The following ZNF474 variants were observed in gnomAD, a reference collection of about 807,000 sequenced individuals.
ZNF474 encodes the protein zinc finger protein 474.
For synonymous variants in ZNF474, 192 were observed against 162.2 expected (o/e 1.18, Z -1.39); for missense variants, 511 against 433.8 (o/e 1.18, Z -1.58).
At chr5:122,140,118 G>A (rs1379575614) in intron 1 of ZNF474, among the ~76,000 whole-genome samples, 2 of 152,262 alleles carry the variant, frequency 1.3e-5, no homozygotes, top group South Asian at 2.1e-4. Flanking sequence ...GAAACCCTAG[G>A]TATTACTGTA....
chr5:122,145,864 T>C (rs2152605898), intron 1 of ZNF474, among the ~76,000 whole-genome samples: 1 of 152,310 alleles, frequency 6.6e-6, no homozygotes, highest in East Asian at 1.9e-4. Flanking sequence ...GGTTGTTACA[T>C]CCGTTTGAAT....
intron 1 of ZNF474, among the ~76,000 whole-genome samples, chr5:122,130,713 A>G (rs1755555610): frequency 6.6e-6 from 1 of 152,100 alleles, no homozygotes; most frequent in African/African-American, 2.4e-5. Flanking sequence ...TTGAGGTATG[A>G]CTGACAAATA....
At chr5:122,148,388 C>T (rs1055009455) in intron 1 of ZNF474, among the ~76,000 whole-genome samples, 4 of 152,130 alleles carry the variant, frequency 2.6e-5, no homozygotes, top group Non-Finnish European at 4.4e-5. Flanking sequence ...TTCAAATGGA[C>T]GTTTTGTGAT....
At chr5:122,149,807 A>C (rs977244570) in intron 1 of ZNF474, among the ~76,000 whole-genome samples, 13 of 152,082 alleles carry the variant, frequency 8.5e-5, no homozygotes, top group African/African-American at 2.9e-4. Flanking sequence ...TTGCCTTATC[A>C]AAAGGGAGAT....
intron 1 of ZNF474, among the ~76,000 whole-genome samples, chr5:122,148,877 C>T (rs555006517): frequency 4.6e-5 from 7 of 152,090 alleles, no homozygotes; most frequent in East Asian, 3.9e-4. Context: ...GCTGGGATTA[C>T]AGCCACCATA....
chr5:122,132,421 T>C (rs1240441748), intron 1 of ZNF474, among the ~76,000 whole-genome samples: 2 of 152,100 alleles, frequency 1.3e-5, no homozygotes, highest in Non-Finnish European at 2.9e-5. Flanking sequence ...TTTTTAAATA[T>C]ATGTCTTGCA....
intron 1 of ZNF474, among the ~76,000 whole-genome samples, chr5:122,141,276 G>C (rs892280252): frequency 5.2e-4 from 75 of 144,708 alleles, no homozygotes; most frequent in African/African-American, 1.8e-3. Flanking sequence ...TCAGACACCC[G>C]AGTAGCTGGG....
chr5:122,134,493 G>A (rs985404167), intron 1 of ZNF474, among the ~76,000 whole-genome samples: 1 of 152,190 alleles, frequency 6.6e-6, no homozygotes, highest in South Asian at 2.1e-4. Context: ...TGCCCAAATG[G>A]TAAATAGTTA....
intron 1 of ZNF474, among the ~76,000 whole-genome samples, chr5:122,142,181 A>T (rs529004686): frequency 9.8e-5 from 15 of 152,346 alleles, no homozygotes; most frequent in African/African-American, 3.6e-4. Context: ...GTTGTCCTAA[A>T]CTTAAAGCTC....
In ZNF474 at chr5:122,149,422, C is replaced by T. The variant is rs370487884; in HGVS notation, c.-212-2357C>T. ...CCTTGTCTGCACTCCTCCTTCTTGC[C>T]TCTTCTTTCTTCTAAAAGGAAGCAT... On this transcript the variant is annotated intron_variant, in intron 1 of 1. Coordinates refer to ENST00000296600, the MANE Select transcript of ZNF474 (RefSeq NM_207317.3). Among the ~76,000 whole-genome samples, 11 of 152,292 alleles carry T rather than the reference C, an allele frequency of 7.2e-5. No individual in the cohort carries two copies. In the East Asian group the frequency reaches 1.9e-3, roughly 27 times the overall value.
intron 1 of ZNF474, among the ~76,000 whole-genome samples, chr5:122,136,076 A>G (rs1262525048): frequency 6.6e-6 from 1 of 152,170 alleles, no homozygotes; most frequent in Non-Finnish European, 1.5e-5. Flanking sequence ...GTTCAGGAGC[A>G]TAACAGGGCA....
At chr5:122,131,916 G>A (rs1755587048) in intron 1 of ZNF474, among the ~76,000 whole-genome samples, 1 of 151,954 alleles carries the variant, frequency 6.6e-6, no homozygotes, top group South Asian at 2.1e-4. Flanking sequence ...AATTTGATGA[G>A]TTTTGACAAA....
chr5:122,150,968 G>C (rs1332036452), intron 1 of ZNF474, among the ~76,000 whole-genome samples: 1 of 152,148 alleles, frequency 6.6e-6, no homozygotes, highest in East Asian at 1.9e-4. Context: ...TGTACTCTTT[G>C]CTGGAGAATT....
At chr5:122,145,716 G>A (rs1398960367) in intron 1 of ZNF474, among the ~76,000 whole-genome samples, 1 of 152,216 alleles carries the variant, frequency 6.6e-6, no homozygotes, top group African/African-American at 2.4e-5. Context: ...TCAGTGGTCT[G>A]AGTTGAGGAT....
chr5:122,130,132 A>C (rs1287741404), intron 1 of ZNF474, among the ~76,000 whole-genome samples: 1 of 152,200 alleles, frequency 6.6e-6, no homozygotes. Flanking sequence ...AAGGGGTATT[A>C]AAGGCTATAA....
intron 1 of ZNF474, among the ~76,000 whole-genome samples, chr5:122,148,729 CT>C (rs970930257): frequency 3.3e-5 from 5 of 151,668 alleles, no homozygotes; most frequent in African/African-American, 9.7e-5. Flanking sequence ...AAAAGTGATT[CT>C]TTTTTTTCTT....
Position 122,153,319 on chromosome 5 carries a change from C to G in ZNF474, c.*234C>G, listed in dbSNP as rs1756249734. 1 of 480,690 alleles carries G rather than the reference C, an allele frequency of 2.1e-6. No homozygotes were observed. Among genetic ancestry groups the G allele is most frequent in the African/African-American group, 2.0e-5 (1 of 51,274 alleles). The allele number at this position is 480,690 out of a possible 1,614,324, so 29.8% of individuals were successfully genotyped here. ...GAGATGGACTTCTTTCTTCCCTGAT[C>G]CCTGATACAAATAATCCCTGGGAGA... On this transcript the variant is annotated 3_prime_UTR_variant, in exon 2 of 2. Transcript: ENST00000296600.
rs868572282 is a variant in ZNF474, at chr5:122,134,697, A to C, written c.-213+5014A>C. On this transcript the variant is annotated intron_variant, in intron 1 of 1. Transcript: ENST00000296600. Reference sequence around the variant, plus strand: ...AGTTCTGATGAGATACCTTCCAAAAATCATACATTGATACTGAAAGGCCTG... The same window carrying C: ...AGTTCTGATGAGATACCTTCCAAAACTCATACATTGATACTGAAAGGCCTG... 4.1e-4 allele frequency among the ~76,000 whole-genome samples: 62 copies of C among 152,300 alleles called. No individual in the cohort carries two copies. The Middle Eastern group carries it at 0.01, about 25-fold the overall frequency.
chr5:122,151,014 A>G (rs1416895125), intron 1 of ZNF474, among the ~76,000 whole-genome samples: 2 of 152,184 alleles, frequency 1.3e-5, no homozygotes, highest in Non-Finnish European at 1.5e-5. Flanking sequence ...TTCCCATAAT[A>G]AACAAAAGTG....
Sources: allele counts gnomAD v4.1 joint callset (sites outside exome capture counted in the v4.1 genomes callset), GRCh38; gene constraint gnomAD v4.1.1; transcripts MANE v1.5; gene names NCBI Gene and HGNC (gene_info 2026-07-23, HGNC 2026-07-21).